WDR7: variants seen among roughly 807,000 people sequenced by gnomAD.
WDR7 encodes the protein WD repeat domain 7.
Under a neutral mutation model 169.4 loss-of-function variants are expected in WDR7, and 46 were observed. That is an observed-to-expected ratio of 0.27 (90% confidence interval 0.21 to 0.35). WDR7 has a LOEUF of 0.35. Ranked by LOEUF, WDR7 falls within the 10% of genes least tolerant of loss-of-function variation. The pLI is 1.00. For synonymous variants in WDR7, 612 were observed against 666.8 expected (o/e 0.92, Z 1.27); for missense variants, 1,534 against 1,859.3 (o/e 0.83, Z 3.22).
intron 21 of WDR7, among the ~76,000 whole-genome samples, chr18:56,890,484 C>T (rs1476609671): frequency 6.6e-6 from 1 of 152,104 alleles, no homozygotes; most frequent in Non-Finnish European, 1.5e-5. Flanking sequence ...AAGCTTACGA[C>T]AATGCCACAG....
At chr18:56,898,950 G>A (rs886818960) in intron 21 of WDR7, among the ~76,000 whole-genome samples, 2 of 152,006 alleles carry the variant, frequency 1.3e-5, no homozygotes, top group African/African-American at 2.4e-5. Context: ...CAAGTTTTCT[G>A]GAAGCCAAAA....
intron 1 of WDR7, among the ~76,000 whole-genome samples, chr18:56,663,857 T>C (rs994177443): frequency 1.1e-4 from 17 of 151,830 alleles, no homozygotes; most frequent in African/African-American, 4.1e-4. Context: ...TTTAAAGTCA[T>C]ATCAAATTAA....
intron 20 of WDR7, among the ~76,000 whole-genome samples, chr18:56,854,046 A>G (rs781317686): frequency 6.6e-6 from 1 of 152,216 alleles, no homozygotes; most frequent in African/African-American, 2.4e-5. Context: ...TCTCTTGAGT[A>G]GTGAGTGGAA....
chr18:56,965,453 CTG>C (rs2047395819), intron 26 of WDR7, among the ~76,000 whole-genome samples: 1 of 145,864 alleles, frequency 6.9e-6, no homozygotes, highest in African/African-American at 2.6e-5. Context: ...TTTTTTTAAT[CTG>C]TTTTTTTTTT....
At chr18:57,022,350 G>A (rs1167347282) in intron 27 of WDR7, among the ~76,000 whole-genome samples, 1 of 152,112 alleles carries the variant, frequency 6.6e-6, no homozygotes, top group Non-Finnish European at 1.5e-5. Flanking sequence ...TTTATATAAA[G>A]CTCCACTCAT....
At chr18:56,864,777 T>C (rs2045857985) in intron 20 of WDR7, among the ~76,000 whole-genome samples, 1 of 151,952 alleles carries the variant, frequency 6.6e-6, no homozygotes, top group African/African-American at 2.4e-5. Context: ...GGAAGCATTA[T>C]TTTAAAATAC....
At chr18:56,967,441 T>G (rs545090938) in intron 26 of WDR7, among the ~76,000 whole-genome samples, 1 of 152,068 alleles carries the variant, frequency 6.6e-6, no homozygotes, top group Non-Finnish European at 1.5e-5. Context: ...AAGAAGTGCT[T>G]AAATTGTGTT....
In WDR7 at chr18:56,939,348, T is replaced by C. The variant is rs144206497; in HGVS notation, c.4019T>C (p.Leu1340Ser). Residue 1340 changes from leucine (L) to serine (S), a missense_variant, in exon 25 of 28, where the codon TTA becomes TCA. Coordinates refer to ENST00000254442, the MANE Select transcript of WDR7 (RefSeq NM_015285.3). The stretch of plus-strand genomic sequence containing the variant: ...ATTATGTACTGCCTTGAAGGATCTT[T>C]AGTTAAAAAGAAAGGTCTTCAAGAA... ...DIIMYCLEGSLVKKKGLQECF... is the reference protein window; with the variant it reads ...DIIMYCLEGSSVKKKGLQECF... The C allele has an allele frequency of 5.5e-5, 87 of 1,584,136 alleles. No individual in the cohort carries two copies. The African/African-American group carries it at 1.1e-3, about 21-fold the overall frequency.
chr18:56,838,676 T>A (rs1376780608), intron 20 of WDR7, among the ~76,000 whole-genome samples: 1 of 152,172 alleles, frequency 6.6e-6, no homozygotes, highest in Non-Finnish European at 1.5e-5. Flanking sequence ...TATTTTAAGG[T>A]CAGTCATATA....
intron 26 of WDR7, among the ~76,000 whole-genome samples, chr18:56,993,809 A>G (rs1407307021): frequency 6.6e-6 from 1 of 152,176 alleles, no homozygotes; most frequent in African/African-American, 2.4e-5. Flanking sequence ...GTCATCTCAG[A>G]GGATAATCTT....
chr18:56,724,644 T>A lies in WDR7; in HGVS notation c.1774+6485T>A, dbSNP rs190345274. Among the ~76,000 whole-genome samples the A allele has an allele frequency of 3.0e-3, 451 of 151,634 alleles. 4 individuals are homozygous for A. In the East Asian group the frequency reaches 0.037, roughly 12 times the overall value. On this transcript the variant is annotated intron_variant, in intron 13 of 27. Coordinates refer to ENST00000254442, the MANE Select transcript of WDR7 (RefSeq NM_015285.3). ...CAGTTAAATTTTTTTTACCTTTTTT[T>A]AATTTTATATATATATATAATTATA...
At position 56,749,308 on chromosome 18, in the gene WDR7, A is replaced by G. The variant is rs151087319; in HGVS notation, c.1990-7275A>G. On this transcript the variant is annotated intron_variant, in intron 14 of 27. Transcript: ENST00000254442. ...TGGCTACATAATTTTGTAAAACAGC[A>G]TACTAACATTTGTCAAGTGTTTTTT... is the stretch of plus-strand genomic sequence containing the variant. Among the ~76,000 whole-genome samples, 1,009 of 152,086 alleles carry G rather than the reference A, an allele frequency of 6.6e-3. 18 individuals are homozygous for G. The highest frequency in any genetic ancestry group is 0.023 in the African/African-American group (952 of 41,548).
At chr18:57,026,880 A>T (rs1346292191) in intron 27 of WDR7, 124 bp from the exon 28 acceptor site, 2 of 996,844 alleles carry the variant, frequency 2.0e-6, no homozygotes, top group African/African-American at 3.2e-5. Flanking sequence ...GTTAAGAACA[A>T]GCTTAGGTGA....
intron 26 of WDR7, among the ~76,000 whole-genome samples, chr18:56,964,263 A>G (rs1241169567): frequency 6.6e-6 from 1 of 152,066 alleles, no homozygotes; most frequent in Non-Finnish European, 1.5e-5. Flanking sequence ...TTCAATTAAA[A>G]TACTTGAGAA....
At chr18:56,805,049 T>TC (rs1355921275) in intron 19 of WDR7, among the ~76,000 whole-genome samples, 2 of 152,202 alleles carry the variant, frequency 1.3e-5, no homozygotes, top group African/African-American at 4.8e-5. Flanking sequence ...GGGCAGACCT[T>TC]CCCCACCTAG....
intron 1 of WDR7, among the ~76,000 whole-genome samples, chr18:56,672,169 C>T (rs560301977): frequency 1.3e-5 from 2 of 152,030 alleles, no homozygotes; most frequent in Non-Finnish European, 2.9e-5. Flanking sequence ...CTGTGAAATC[C>T]TAGATAAATA....
chr18:56,838,732 T>A (rs2045433492), intron 20 of WDR7, among the ~76,000 whole-genome samples: 1 of 152,218 alleles, frequency 6.6e-6, no homozygotes, highest in African/African-American at 2.4e-5. Context: ...TTATATGCGA[T>A]GCTGTATCTT....
At chr18:56,954,729 T>G (rs759845300) in intron 25 of WDR7, among the ~76,000 whole-genome samples, 36 of 152,250 alleles carry the variant, frequency 2.4e-4, no homozygotes, top group Non-Finnish European at 4.4e-4. Flanking sequence ...TATATTAGAA[T>G]AATGCAAATG....
intron 20 of WDR7, among the ~76,000 whole-genome samples, chr18:56,838,044 C>T (rs371919456): frequency 9.9e-5 from 15 of 151,784 alleles, no homozygotes; most frequent in Non-Finnish European, 1.8e-4. Context: ...GAGATATTTA[C>T]GCATTTACAT....
Sources: allele counts gnomAD v4.1 joint callset (sites outside exome capture counted in the v4.1 genomes callset), GRCh38; gene constraint gnomAD v4.1.1; transcripts MANE v1.5; gene names NCBI Gene and HGNC (gene_info 2026-07-23, HGNC 2026-07-21).